Variants in KLHL29 observed in about 807,000 individuals in gnomAD.
The protein encoded by KLHL29 is kelch-like protein 29.
In KLHL29, 21 loss-of-function variants were observed where a neutral mutation model predicts 80.4. That is an observed-to-expected ratio of 0.26 (90% CI 0.19 to 0.38). KLHL29 has a LOEUF of 0.38. Ranked by LOEUF, KLHL29 falls within the 10% of genes least tolerant of loss-of-function variation. The pLI, the probability that KLHL29 is intolerant of heterozygous loss-of-function variation, is 1.00. For synonymous variants in KLHL29, 511 were observed against 526.8 expected (o/e 0.97, Z 0.41); for missense variants, 867 against 1,223.9 (o/e 0.71, Z 4.35).
At chr2:23,423,246 C>T (rs1407058409) in intron 1 of KLHL29, among the ~76,000 whole-genome samples, 1 of 152,220 alleles carries the variant, frequency 6.6e-6, no homozygotes, top group Admixed American at 6.5e-5. Context: ...TGTCCAGGGC[C>T]GGGCTCTGCA....
chr2:23,696,291 C>T lies in KLHL29; in HGVS notation c.1925-42C>T. 6.5e-7 allele frequency: 1 copy of T among 1,543,632 alleles called. No individual in the cohort carries two copies. Among genetic ancestry groups the T allele is most frequent in the East Asian group, 2.4e-5 (1 of 40,850 alleles). On this transcript the variant is annotated intron_variant, in intron 10 of 13. Coordinates refer to ENST00000486442, the MANE Select transcript of KLHL29 (RefSeq NM_052920.2). The surrounding 1 kb of genome is among the most constrained non-coding windows in gnomAD (Gnocchi z 5.5). ...CTGGGCCTGCTGACCCCAGGCCCCT[C>T]CTCACCCCGCCCGCTCTCTCTGCCT...
At chr2:23,531,340 G>A (rs1171143517) in intron 2 of KLHL29, among the ~76,000 whole-genome samples, 3 of 152,194 alleles carry the variant, frequency 2.0e-5, no homozygotes, top group African/African-American at 7.2e-5. Context: ...GGACCTATTT[G>A]GGGGGTGAGG....
intron 1 of KLHL29, among the ~76,000 whole-genome samples, chr2:23,402,937 A>G (rs1248898774): frequency 1.3e-5 from 2 of 150,358 alleles, no homozygotes; most frequent in Non-Finnish European, 3.0e-5. Context: ...TATATCATAT[A>G]TAATCTTATA....
chr2:23,488,853 A>C (rs923032694), intron 2 of KLHL29, among the ~76,000 whole-genome samples: 1 of 152,172 alleles, frequency 6.6e-6, no homozygotes, highest in African/African-American at 2.4e-5. Flanking sequence ...GACTAATGCA[A>C]AGCCATCTAC....
At chr2:23,698,752 G>C (rs943319344) in intron 11 of KLHL29, among the ~76,000 whole-genome samples, 1 of 152,180 alleles carries the variant, frequency 6.6e-6, no homozygotes, top group African/African-American at 2.4e-5. Context: ...TCACTCGGCA[G>C]GGTCATTTGC....
intron 2 of KLHL29, among the ~76,000 whole-genome samples, chr2:23,528,680 C>A (rs953917396): frequency 6.6e-6 from 1 of 152,336 alleles, no homozygotes; most frequent in South Asian, 2.1e-4. Flanking sequence ...AATAATGTCA[C>A]GCTGTTAACC....
intron 3 of KLHL29, among the ~76,000 whole-genome samples, chr2:23,577,842 CG>C (rs939511631): frequency 6.6e-6 from 1 of 151,742 alleles, no homozygotes; most frequent in Non-Finnish European, 1.5e-5. Flanking sequence ...TGGCTTGGAG[CG>C]GGGGTGGCTG....
In KLHL29 at chr2:23,587,245, C is replaced by CTTTT. The variant is rs34675398; in HGVS notation, c.285+24773_285+24776dup. On this transcript the variant is annotated intron_variant, in intron 3 of 13. Transcript: ENST00000486442. ...TTATTTTCTTCCAAAGGCCAATTTACTTTTTTTTTTTTGGACATTTTGCTT... is the reference window on the plus strand; with the variant it reads ...TTATTTTCTTCCAAAGGCCAATTTACTTTTTTTTTTTTTTTTGGACATTTTGCTT... Among the ~76,000 whole-genome samples, 69 of 146,820 alleles carry CTTTT rather than the reference C, an allele frequency of 4.7e-4. 1 individual carries two copies. In the East Asian group the frequency reaches 5.6e-3, roughly 12 times the overall value.
At chr2:23,586,636 C>G (rs941557006) in intron 3 of KLHL29, among the ~76,000 whole-genome samples, 11 of 152,132 alleles carry the variant, frequency 7.2e-5, no homozygotes, top group Non-Finnish European at 1.5e-4. Flanking sequence ...GCTGGGATTA[C>G]AGGCATGAGC....
At chr2:23,407,341 T>C (rs1312270247) in intron 1 of KLHL29, among the ~76,000 whole-genome samples, 1 of 152,098 alleles carries the variant, frequency 6.6e-6, no homozygotes, top group African/African-American at 2.4e-5. Flanking sequence ...CTTAGTCTGT[T>C]AGGTAGGTGA....
intron 2 of KLHL29, among the ~76,000 whole-genome samples, chr2:23,484,492 G>A (rs1001125317): frequency 5.3e-5 from 8 of 152,334 alleles, no homozygotes; most frequent in African/African-American, 1.4e-4. Flanking sequence ...CCGGCACTCC[G>A]TTCTCTAGGT....
intron 2 of KLHL29, among the ~76,000 whole-genome samples, chr2:23,546,296 A>G (rs191185022): frequency 6.6e-6 from 1 of 152,224 alleles, no homozygotes; most frequent in Non-Finnish European, 1.5e-5. Flanking sequence ...TTAGTATGTC[A>G]TCAGATACAG....
At chr2:23,609,283 C>CT (rs1451197750) in intron 3 of KLHL29, among the ~76,000 whole-genome samples, 1 of 152,050 alleles carries the variant, frequency 6.6e-6, no homozygotes, top group African/African-American at 2.4e-5. Context: ...AAGTCGAGGA[C>CT]TATAGGATGA....
chr2:23,678,647 G>A (rs1378992544), intron 5 of KLHL29, among the ~76,000 whole-genome samples: 1 of 152,184 alleles, frequency 6.6e-6, no homozygotes, highest in African/African-American at 2.4e-5. Flanking sequence ...ATAGCAAAAT[G>A]GTGGCAGCAA....
In KLHL29 at chr2:23,586,843, C is replaced by G. The variant is rs544640291; in HGVS notation, c.285+24362C>G. ...CATTGTAGTTAGTTGTCTAAATGCTCTCTTCCCCCCACGGGCACTGCCAGT... is the reference window on the plus strand; with the variant it reads ...CATTGTAGTTAGTTGTCTAAATGCTGTCTTCCCCCCACGGGCACTGCCAGT... On this transcript the variant is annotated intron_variant, in intron 3 of 13. Transcript: ENST00000486442. Among the ~76,000 whole-genome samples, 2 of 151,582 alleles carry G rather than the reference C, an allele frequency of 1.3e-5. 1 individual carries two copies. The highest frequency in any genetic ancestry group is 4.9e-5 in the African/African-American group (2 of 40,884).
chr2:23,639,399 C>G (rs1485714169), intron 4 of KLHL29, 119 bp downstream of exon 4: 2 of 988,682 alleles, frequency 2.0e-6, no homozygotes, highest in Non-Finnish European at 2.9e-6. Context: ...TGCAGAAGCC[C>G]CCTCCTCAGG....
intron 2 of KLHL29, among the ~76,000 whole-genome samples, chr2:23,536,949 C>T (rs1322496553): frequency 1.3e-5 from 2 of 151,836 alleles, no homozygotes; most frequent in Non-Finnish European, 2.9e-5. Context: ...CTCTCTCTCT[C>T]TCCCTCTCTC....
chr2:23,684,236 G>A lies in KLHL29; in HGVS notation c.941-163G>A, dbSNP rs546904663. 4.6e-5 allele frequency among the ~76,000 whole-genome samples: 7 copies of A among 151,422 alleles called. No individual in the cohort carries two copies. The highest frequency in any genetic ancestry group is 1.0e-4 in the Non-Finnish European group (7 of 67,942). On this transcript the variant is annotated intron_variant, in intron 5 of 13. Transcript: ENST00000486442. The surrounding 1 kb of genome is among the most constrained non-coding windows in gnomAD (Gnocchi z 4.4). Reference sequence around the variant, plus strand: ...GGCTGCTTGTTTATGCATTATGTTTGTGACTTCTTTTGACTGTCAGTGTTG... The same window carrying A: ...GGCTGCTTGTTTATGCATTATGTTTATGACTTCTTTTGACTGTCAGTGTTG...
At chr2:23,567,545 C>T (rs991848210) in intron 3 of KLHL29, among the ~76,000 whole-genome samples, 7 of 152,178 alleles carry the variant, frequency 4.6e-5, no homozygotes, top group South Asian at 2.1e-4. Flanking sequence ...ATAGAGACAA[C>T]GCTGGAGATG....
Sources: gnomAD v4.1 joint callset for allele counts (sites outside exome capture counted in the v4.1 genomes callset) on GRCh38, gnomAD v4.1.1 for gene constraint, Gnocchi (gnomAD v3.1) non-coding constraint, MANE v1.5 for transcripts, NCBI Gene and HGNC (gene_info 2026-07-23, HGNC 2026-07-21) for gene names.